The following NHSL1 variants were observed in gnomAD, a reference collection of about 807,000 sequenced individuals.
NHSL1 encodes NHS-like protein 1.
Under a neutral mutation model 95.0 loss-of-function variants are expected in NHSL1, and 48 were observed. That is an observed-to-expected ratio of 0.51 (90% CI 0.40 to 0.64). The LOEUF (loss-of-function observed/expected upper bound fraction) is 0.64. Ranked by LOEUF, NHSL1 falls within the 30% of genes least tolerant of loss-of-function variation. NHSL1 has a pLI of 0.00. For missense variants in NHSL1, 1,971 were observed against 2,077.7 expected (o/e 0.95, Z 1.00); for synonymous variants, 783 against 833.9 (o/e 0.94, Z 1.05).
At chr6:138,612,445 T>C (rs995568561) in intron 1 of NHSL1, among the ~76,000 whole-genome samples, 1 of 152,216 alleles carries the variant, frequency 6.6e-6, no homozygotes, top group East Asian at 1.9e-4. Context: ...TGTACCAGTA[T>C]GTAATAACCT....
chr6:138,505,280 G>A (rs1468472573), intron 1 of NHSL1, among the ~76,000 whole-genome samples: 1 of 152,160 alleles, frequency 6.6e-6, no homozygotes, highest in Non-Finnish European at 1.5e-5. Context: ...ATTGTACACA[G>A]GAGTTTATGC....
intron 1 of NHSL1, chr6:138,650,321 C>G (rs1785073818): frequency 1.2e-6 from 1 of 848,248 alleles, no homozygotes; most frequent in Admixed American, 1.8e-5. Context: ...AGCAGTGAAT[C>G]CAGGATTTGA....
chr6:138,505,847 C>G (rs930756459), intron 1 of NHSL1, among the ~76,000 whole-genome samples: 3 of 152,014 alleles, frequency 2.0e-5, no homozygotes, highest in Non-Finnish European at 4.4e-5. Context: ...TTCAGGGCAA[C>G]CTTATCTATA....
intron 1 of NHSL1, among the ~76,000 whole-genome samples, chr6:138,519,028 GAATAAATAAATA>G (rs538300805): frequency 1.8e-4 from 27 of 151,660 alleles, no homozygotes; most frequent in Non-Finnish European, 3.4e-4. Context: ...AAAAATAAAT[GAATAAATAAATA>G]AATAAATAAA....
chr6:138,547,745 A>C (rs979572427), upstream of NHSL1, among the ~76,000 whole-genome samples: 3 of 152,288 alleles, frequency 2.0e-5, no homozygotes, highest in Admixed American at 6.5e-5. Context: ...TGTGTAAACC[A>C]TGAGGTGATT....
At chr6:138,505,694 A>G (rs150487829) in intron 1 of NHSL1, among the ~76,000 whole-genome samples, 8 of 151,930 alleles carry the variant, frequency 5.3e-5, no homozygotes, top group African/African-American at 1.9e-4. Flanking sequence ...TATACAATCA[A>G]TGAAGATCAT....
intron 1 of NHSL1, among the ~76,000 whole-genome samples, chr6:138,567,326 G>A (rs1246436515): frequency 3.9e-5 from 6 of 151,974 alleles, no homozygotes; most frequent in Admixed American, 6.6e-5. Context: ...ACAAGGTTTC[G>A]TCGTGTTCCC....
chr6:138,685,458 C>G (rs1222093019), intron 1 of NHSL1, among the ~76,000 whole-genome samples: 1 of 152,078 alleles, frequency 6.6e-6, no homozygotes, highest in Non-Finnish European at 1.5e-5. Context: ...AGAATATACA[C>G]AAATTAGAAA....
intron 1 of NHSL1, among the ~76,000 whole-genome samples, chr6:138,600,281 T>A (rs189414356): frequency 1.1e-4 from 16 of 152,350 alleles, no homozygotes; most frequent in Admixed American, 2.0e-4. Context: ...TTGCCCAGGC[T>A]GGAGTGCAGT....
intron 1 of NHSL1, among the ~76,000 whole-genome samples, chr6:138,622,505 A>G (rs760062021): frequency 1.4e-4 from 22 of 152,276 alleles, no homozygotes; most frequent in South Asian, 2.1e-4. Context: ...AGAAAAAAAC[A>G]ATAACCTTTT....
intron 1 of NHSL1, among the ~76,000 whole-genome samples, chr6:138,570,663 TG>T (rs1783805337): frequency 6.6e-6 from 1 of 152,270 alleles, no homozygotes; most frequent in Non-Finnish European, 1.5e-5. Context: ...GCTCAGCCTG[TG>T]CGACATAATT....
rs914365101 is a variant in NHSL1 at position 138,430,473 on chromosome 6, G to A, written c.3872C>T (p.Pro1291Leu). 6 of 1,550,428 alleles carry A rather than the reference G, an allele frequency of 3.9e-6. No homozygotes were observed. Among genetic ancestry groups the A allele is most frequent in the South Asian group, 3.6e-5 (3 of 83,946 alleles). ...GTTCTCGGCTGGCTCCTCCTGCTTG[G>A]GGGCTGGTGAGACATCAGGCTGAAC... ...PMVQPDVSPAPKQEEPAENSA... is the reference protein window; with the variant it reads ...PMVQPDVSPALKQEEPAENSA... The change falls in exon 6 of 8, where the codon CCC (proline) becomes CTC (leucine). Residue 1291 changes from proline to leucine, a missense_variant. Physicochemically the swap from Pro to Leu is moderately conservative, Grantham distance 98. Coordinates refer to ENST00000343505, the MANE Select transcript of NHSL1 (RefSeq NM_001144060.2). This position sits in a 1 kb window ranked among gnomAD's most constrained non-coding sequence, Gnocchi z 4.7.
At chr6:138,544,983 CTTTTTTTTTTTTTTTTT>C (rs35979187) in intron 1 of NHSL1, among the ~76,000 whole-genome samples, 2 of 83,466 alleles carry the variant, frequency 2.4e-5, no homozygotes, top group South Asian at 1.1e-3. Context: ...TCTTTCTTTT[CTTTTTTTTTTTTTTTTT>C]TTTTTTTGAG....
chr6:138,445,080 C>G (rs1466336168), intron 4 of NHSL1, among the ~76,000 whole-genome samples: 1 of 152,132 alleles, frequency 6.6e-6, no homozygotes, highest in Non-Finnish European at 1.5e-5. Context: ...AATTAAAGCT[C>G]AGAGACATGA....
At chr6:138,465,460 A>C (rs1778299541) in intron 3 of NHSL1, among the ~76,000 whole-genome samples, 1 of 152,130 alleles carries the variant, frequency 6.6e-6, no homozygotes, top group Admixed American at 6.6e-5. Context: ...TGCCTGTTGC[A>C]ACAGCCCCAC....
At chr6:138,666,290 C>T (rs183662300) in intron 1 of NHSL1, among the ~76,000 whole-genome samples, 5 of 150,240 alleles carry the variant, frequency 3.3e-5, no homozygotes, top group African/African-American at 1.2e-4. Context: ...ACAACAAGGG[C>T]GAAACTCCGT....
chr6:138,654,366 G>A (rs1311905106), intron 1 of NHSL1, among the ~76,000 whole-genome samples: 1 of 152,148 alleles, frequency 6.6e-6, no homozygotes, highest in Non-Finnish European at 1.5e-5. Flanking sequence ...CCTTTTTGGA[G>A]AGTGATTCGA....
intron 1 of NHSL1, among the ~76,000 whole-genome samples, chr6:138,595,662 T>C (rs2114540423): frequency 6.6e-6 from 1 of 152,358 alleles, no homozygotes; most frequent in African/African-American, 2.4e-5. Context: ...GAATCAATTA[T>C]AAAAAGATTC....
chr6:138,588,334 G>C (rs570225428), intron 1 of NHSL1, among the ~76,000 whole-genome samples: 1 of 152,300 alleles, frequency 6.6e-6, no homozygotes, highest in East Asian at 1.9e-4. Context: ...GTGGTGGTGT[G>C]TGCCTGTAAT....
Sources: gnomAD v4.1 joint callset for allele counts (sites outside exome capture counted in the v4.1 genomes callset) on GRCh38, gnomAD v4.1.1 for gene constraint, Gnocchi (gnomAD v3.1) non-coding constraint, MANE v1.5 for transcripts, NCBI Gene and HGNC (gene_info 2026-07-23, HGNC 2026-07-21) for gene names.